FLACC1: variants seen among roughly 807,000 people sequenced by gnomAD.
FLACC1 encodes flagellum-associated coiled-coil domain-containing protein 1.
FLACC1 carries 66 observed loss-of-function variants against 62.8 expected under a neutral mutation model. The ratio of observed to expected loss-of-function variants is 1.05; its 90% CI spans 0.86 to 1.29. The LOEUF is 1.29. Among genes scored for constraint, FLACC1 ranks in the 50% most tolerant of loss-of-function variants. The probability of loss-of-function intolerance (pLI) is 0.00; values close to 1 mark genes in which losing one functional copy is unlikely to be tolerated. For synonymous variants in FLACC1, 156 were observed against 161.0 expected (o/e 0.97, Z 0.24); for missense variants, 452 against 489.1 (o/e 0.92, Z 0.71).
rs879708301 is a variant in FLACC1, at chr2:201,338,703, TATC to T, written c.524+3664_524+3666del. Among the ~76,000 whole-genome samples the T allele has an allele frequency of 2.2e-4, 33 of 152,354 alleles. 1 individual carries two copies. Among genetic ancestry groups the T allele is most frequent in the Admixed American group, 2.1e-3 (32 of 15,304 alleles). ...TGTCCTTCATTCTGTTGATGTTATA[TATC>T]ATGTTTATTGATTTTCATAAGCTGA... On this transcript the variant is annotated intron_variant, in intron 7 of 14. Transcript: ENST00000392257.
At chr2:201,329,686 C>T (rs1040368759) in intron 9 of FLACC1, among the ~76,000 whole-genome samples, 1 of 152,102 alleles carries the variant, frequency 6.6e-6, no homozygotes, top group African/African-American at 2.4e-5. Context: ...CCAATTAACA[C>T]AGGAACAGAA....
chr2:201,295,255 C>G (rs1576411260), intron 12 of FLACC1, among the ~76,000 whole-genome samples: 1 of 152,204 alleles, frequency 6.6e-6, no homozygotes, highest in Non-Finnish European at 1.5e-5. Context: ...TACCTGACTT[C>G]AAACTATACT....
intron 12 of FLACC1, among the ~76,000 whole-genome samples, chr2:201,293,654 C>G (rs951319179): frequency 7.2e-5 from 11 of 151,800 alleles, no homozygotes; most frequent in Non-Finnish European, 1.5e-4. Context: ...TAGCAGAAGG[C>G]AAGAAATAAC....
intron 9 of FLACC1, among the ~76,000 whole-genome samples, chr2:201,323,545 C>T (rs1950443503): frequency 6.6e-6 from 1 of 151,994 alleles, no homozygotes; most frequent in Non-Finnish European, 1.5e-5. Flanking sequence ...TAAACAAATG[C>T]TGAGGGAATT....
chr2:201,301,291 C>T (rs1949976680), intron 11 of FLACC1, among the ~76,000 whole-genome samples: 1 of 152,118 alleles, frequency 6.6e-6, no homozygotes, highest in Non-Finnish European at 1.5e-5. Context: ...CACGCACAAG[C>T]TTCAGTAGCT....
Position 201,348,274 on chromosome 2 carries a change from C to G in FLACC1, c.214G>C (p.Glu72Gln). The G allele has an allele frequency of 6.2e-7, 1 of 1,613,022 alleles. No homozygotes were observed. The highest frequency in any genetic ancestry group is 8.5e-7 in the Non-Finnish European group (1 of 1,179,794). Residue 72 changes from glutamate (E) to glutamine (Q), a missense_variant, in exon 4 of 15, where the codon GAG becomes CAG. By Grantham distance (29) the Glu-to-Gln change is conservative. Around this residue, in one of 3 missense-constraint regions of FLACC1, gnomAD observed 147 missense variants for 152.7 expected, o/e 0.96. Coordinates refer to ENST00000392257, the MANE Select transcript of FLACC1 (RefSeq NM_001127391.3). ...CTCACATAAAATGATTTATTAGTCTCTTCTTGCCTTGCTGAATGGATTTTC... is the reference window on the plus strand; with the variant it reads ...CTCACATAAAATGATTTATTAGTCTGTTCTTGCCTTGCTGAATGGATTTTC... ...KMKIHSARQEETNKSFYEVIN... is the reference protein window; with the variant it reads ...KMKIHSARQEQTNKSFYEVIN...
chr2:201,311,698 C>G, intron 9 of FLACC1, among the ~76,000 whole-genome samples: 1 of 85,172 alleles, frequency 1.2e-5, no homozygotes, highest in East Asian at 3.7e-4. Context: ...GAGACACTGA[C>G]TCAAAAAAAA....
chr2:201,310,840 C>A (rs1017704771), intron 9 of FLACC1, among the ~76,000 whole-genome samples: 2 of 151,064 alleles, frequency 1.3e-5, no homozygotes, highest in East Asian at 2.0e-4. Flanking sequence ...TACAAAGAAT[C>A]AATGAAACAA....
intron 1 of FLACC1, among the ~76,000 whole-genome samples, chr2:201,354,092 C>T (rs1267729636): frequency 1.3e-5 from 2 of 152,222 alleles, no homozygotes; most frequent in East Asian, 1.9e-4. Context: ...GTCTCCAACA[C>T]GACTGATGCT....
intron 9 of FLACC1, among the ~76,000 whole-genome samples, chr2:201,319,373 A>C (rs1950361116): frequency 6.6e-6 from 1 of 152,140 alleles, no homozygotes. Context: ...AGATGCCTTA[A>C]AGATTTAAAC....
intron 9 of FLACC1, among the ~76,000 whole-genome samples, chr2:201,312,220 G>C (rs1460872966): frequency 6.6e-6 from 1 of 152,166 alleles, no homozygotes; most frequent in African/African-American, 2.4e-5. Context: ...TGATAAACAA[G>C]TTCAGTAAAG....
chr2:201,342,326 T>C (rs1197511795), intron 7 of FLACC1, 44 bp downstream of exon 7: 3 of 1,605,672 alleles, frequency 1.9e-6, no homozygotes, highest in Non-Finnish European at 2.6e-6. Context: ...TGCGGGACCC[T>C]TAGAGCCATC....
chr2:201,361,437 G>A (rs1559428797), upstream of FLACC1, among the ~76,000 whole-genome samples: 1 of 152,214 alleles, frequency 6.6e-6, no homozygotes, highest in Non-Finnish European at 1.5e-5. Flanking sequence ...TTCCAGTGGT[G>A]CTGAGCACCC....
intron 11 of FLACC1, among the ~76,000 whole-genome samples, chr2:201,304,529 G>C (rs921752797): frequency 7.9e-5 from 12 of 152,262 alleles, no homozygotes; most frequent in Admixed American, 7.2e-4. Context: ...CAGATTCAAT[G>C]CCATCCCCAT....
intron 10 of FLACC1, among the ~76,000 whole-genome samples, chr2:201,308,473 C>T (rs929590640): frequency 2.6e-5 from 4 of 152,126 alleles, no homozygotes; most frequent in Non-Finnish European, 5.9e-5. Flanking sequence ...TTAAAATCAA[C>T]TAAATCTGAA....
intron 7 of FLACC1, among the ~76,000 whole-genome samples, chr2:201,338,353 T>C (rs1232640179): frequency 2.0e-5 from 3 of 152,172 alleles, no homozygotes; most frequent in African/African-American, 7.2e-5. Flanking sequence ...CAAAGAGAGA[T>C]CATTTGGCTT....
Position 201,288,753 on chromosome 2 carries a change from T to C in FLACC1, c.1171A>G (p.Ile391Val). 6.2e-7 allele frequency: 1 copy of C among 1,613,900 alleles called. No individual in the cohort carries two copies. Among genetic ancestry groups the C allele is most frequent in the Non-Finnish European group, 8.5e-7 (1 of 1,179,994 alleles). ...AATCTCCCAGAACATCCTTCACAAA[T>C]TTCTTCATTCTTAGAAATTATCTTT... ...KQKIISKNEE[I>V]CEGCSGRLAS... Residue 391 changes from isoleucine (I) to valine (V), a missense_variant, in exon 15 of 15, where the codon ATT (isoleucine) becomes GTT (valine). Transcript: ENST00000392257.
intron 12 of FLACC1, 83 bp downstream of exon 12, chr2:201,299,152 CATT>C: frequency 8.0e-7 from 1 of 1,250,188 alleles, no homozygotes; most frequent in Non-Finnish European, 1.1e-6. Context: ...GGGAAATTAT[CATT>C]GATTCCATTA....
intron 12 of FLACC1, among the ~76,000 whole-genome samples, chr2:201,293,948 T>C (rs2125536985): frequency 6.6e-6 from 1 of 152,240 alleles, no homozygotes; most frequent in Admixed American, 6.5e-5. Context: ...CCTGGACACA[T>C]ACACACTCCC....
Sources: allele counts gnomAD v4.1 joint callset (sites outside exome capture counted in the v4.1 genomes callset), GRCh38; gene constraint gnomAD v4.1.1; regional missense constraint gnomAD v4.1.1; transcripts MANE v1.5; gene names NCBI Gene and HGNC (gene_info 2026-07-23, HGNC 2026-07-21).